The following CAMK4 variants were observed in gnomAD, a reference collection of about 807,000 sequenced individuals.
CAMK4 encodes calcium/calmodulin-dependent protein kinase type IV.
CAMK4 carries 22 observed loss-of-function variants against 44.9 expected under a neutral mutation model. That is an observed-to-expected ratio of 0.49 (90% CI 0.35 to 0.70). CAMK4 has a LOEUF of 0.70. CAMK4 is among the 30% of genes least tolerant of loss of function. The pLI is 0.01. For missense variants in CAMK4, 498 were observed against 586.8 expected (o/e 0.85, Z 1.56); for synonymous variants, 218 against 215.4 (o/e 1.01, Z -0.11).
intron 7 of CAMK4, among the ~76,000 whole-genome samples, chr5:111,470,522 T>C (rs1755027338): frequency 6.6e-6 from 1 of 152,206 alleles, no homozygotes; most frequent in African/African-American, 2.4e-5. Flanking sequence ...ATATAAACTT[T>C]ATATCTCAAC....
chr5:111,251,636 C>A (rs1426616596), intron 1 of CAMK4, among the ~76,000 whole-genome samples: 2 of 152,186 alleles, frequency 1.3e-5, no homozygotes, highest in East Asian at 3.8e-4. Context: ...TTCTGTGAGT[C>A]TTCTTATGTC....
In CAMK4 at chr5:111,268,589, T is replaced by C. The variant is rs779432495; in HGVS notation, c.161+43945T>C. ...AGTAAATAGAAAGTCTTTTGAACTT[T>C]TGTGCAGCAAGTTTTGAGGAAGCTA... On this transcript the variant is annotated intron_variant, in intron 1 of 10. Transcript: ENST00000282356. Among the ~76,000 whole-genome samples the C allele has an allele frequency of 1.3e-4, 20 of 152,222 alleles. No individual in the cohort carries two copies. In the East Asian group the frequency reaches 1.5e-3, roughly 12 times the overall value.
chr5:111,332,670 A>G (rs1048179386), intron 1 of CAMK4, among the ~76,000 whole-genome samples: 3 of 151,580 alleles, frequency 2.0e-5, no homozygotes, highest in African/African-American at 4.8e-5. Context: ...TGAGAATGCA[A>G]GCATAAAGAT....
At chr5:111,462,965 T>C (rs1210807306) in intron 7 of CAMK4, among the ~76,000 whole-genome samples, 1 of 152,220 alleles carries the variant, frequency 6.6e-6, no homozygotes, top group Non-Finnish European at 1.5e-5. Flanking sequence ...ATATAAGGTT[T>C]GAATTTTTGT....
intron 5 of CAMK4, among the ~76,000 whole-genome samples, chr5:111,435,991 T>C (rs1033305270): frequency 6.6e-6 from 1 of 152,234 alleles, no homozygotes; most frequent in Non-Finnish European, 1.5e-5. Context: ...TATATACTTT[T>C]ATCCTGTCAG....
rs553130870 is a variant in CAMK4, at chr5:111,338,938, T to C, written c.162-5086T>C. ...TCTTTTTTGCTTTGGCTATTCAGGC[T>C]CTTTTTTGAATGCATATGAATTTTA... On this transcript the variant is annotated intron_variant, in intron 1 of 10. Transcript: ENST00000282356. Among the ~76,000 whole-genome samples, 4 of 151,568 alleles carry C rather than the reference T, an allele frequency of 2.6e-5. 1 individual carries two copies. The South Asian group carries it at 8.3e-4, about 31-fold the overall frequency.
intron 1 of CAMK4, among the ~76,000 whole-genome samples, chr5:111,262,536 G>C (rs1022097944): frequency 6.6e-6 from 1 of 152,188 alleles, no homozygotes. Context: ...ATTTTAAAAA[G>C]GAGGTCAGAG....
intron 1 of CAMK4, among the ~76,000 whole-genome samples, chr5:111,295,813 T>G (rs1747457564): frequency 6.6e-6 from 1 of 152,180 alleles, no homozygotes; most frequent in Non-Finnish European, 1.5e-5. Flanking sequence ...ACAAGGACAA[T>G]TTGAACAAAT....
At chr5:111,283,229 A>G (rs1240832953) in intron 1 of CAMK4, among the ~76,000 whole-genome samples, 29 of 152,198 alleles carry the variant, frequency 1.9e-4, no homozygotes, top group Admixed American at 1.9e-3. Flanking sequence ...AACAAAAACC[A>G]TTACCAGTTA....
chr5:111,485,974 A>C lies in CAMK4; in HGVS notation c.*1508A>C, dbSNP rs549956268. On this transcript the variant is annotated 3_prime_UTR_variant, in exon 11 of 11. Transcript: ENST00000282356. Reference sequence around the variant, plus strand: ...AAAAAAGAATTCATTTTAAAAAATAATTATTTTCAGAGACCAAATAAAGAC... The same window carrying C: ...AAAAAAGAATTCATTTTAAAAAATACTTATTTTCAGAGACCAAATAAAGAC... 1 of 152,320 alleles carries C rather than the reference A, an allele frequency of 6.6e-6. No individual in the cohort carries two copies. Among genetic ancestry groups the C allele is most frequent in the Admixed American group, 6.5e-5 (1 of 15,306 alleles). The allele number at this position is 152,320 out of a possible 1,614,324, so 9.4% of individuals were successfully genotyped here. A position where few individuals can be genotyped will look rare whatever the true frequency, so the allele number is the denominator to read the frequency against.
Position 111,286,790 on chromosome 5 carries a change from A to T in CAMK4, c.162-57234A>T, listed in dbSNP as rs565917120. On this transcript the variant is annotated intron_variant, in intron 1 of 10. Transcript: ENST00000282356. ...TTTTGTCTAAGCTGGTTGGGAGCTT[A>T]TTAACTGATGCATGTTAGAAAGAAA... 4.6e-4 allele frequency among the ~76,000 whole-genome samples: 70 copies of T among 152,298 alleles called. 1 individual carries two copies. The South Asian group carries it at 0.012, about 26-fold the overall frequency.
intron 1 of CAMK4, among the ~76,000 whole-genome samples, chr5:111,286,221 C>T (rs1267152524): frequency 1.3e-5 from 2 of 152,168 alleles, no homozygotes; most frequent in Non-Finnish European, 2.9e-5. Flanking sequence ...CCATCATAAT[C>T]ACCCTTTTGA....
At chr5:111,275,290 G>A (rs576644653) in intron 1 of CAMK4, among the ~76,000 whole-genome samples, 1 of 151,538 alleles carries the variant, frequency 6.6e-6, no homozygotes, top group African/African-American at 2.4e-5. Context: ...ATATTCTCCC[G>A]AGAACAAGAC....
intron 1 of CAMK4, among the ~76,000 whole-genome samples, chr5:111,308,408 A>C (rs781691882): frequency 1.3e-5 from 2 of 152,232 alleles, no homozygotes; most frequent in Non-Finnish European, 2.9e-5. Flanking sequence ...AATAAGGATT[A>C]CTAAAGAATA....
chr5:111,224,610 A>G lies in CAMK4; in HGVS notation c.127A>G (p.Ser43Gly). 1 of 1,611,408 alleles carries G rather than the reference A, an allele frequency of 6.2e-7. No individual in the cohort carries two copies. Among genetic ancestry groups the G allele is most frequent in the Non-Finnish European group, 8.5e-7 (1 of 1,179,448 alleles). Residue 43 changes from serine to glycine, a missense_variant, in exon 1 of 11, where the codon AGC (serine) becomes GGC (glycine). This residue lies in a region of CAMK4 where 152 missense variants were observed against 143.7 expected (regional missense o/e 1.06). Transcript: ENST00000282356. This position sits in a 1 kb window ranked among gnomAD's most constrained non-coding sequence, Gnocchi z 5.7. ...WIDGSNRDAL[S>G]DFFEVESELG... ...CGACGGCTCCAACAGGGATGCGCTG[A>G]GCGATTTCTTCGAGGTGGAGTCGGA...
At chr5:111,317,970 A>C (rs1245245583) in intron 1 of CAMK4, among the ~76,000 whole-genome samples, 1 of 149,214 alleles carries the variant, frequency 6.7e-6, no homozygotes, top group African/African-American at 2.4e-5. Flanking sequence ...GGACTGTATA[A>C]AGTTAGGTTG....
chr5:111,230,878 A>G (rs545983352), intron 1 of CAMK4, among the ~76,000 whole-genome samples: 3 of 152,084 alleles, frequency 2.0e-5, no homozygotes, highest in Non-Finnish European at 4.4e-5. Flanking sequence ...TATCTAATAA[A>G]CAGAATATTG....
intron 1 of CAMK4, among the ~76,000 whole-genome samples, chr5:111,275,249 C>T (rs1390276178): frequency 6.6e-6 from 1 of 152,038 alleles, no homozygotes; most frequent in Non-Finnish European, 1.5e-5. Context: ...AAGAATGTTT[C>T]TTACTTTGTA....
chr5:111,308,518 T>C (rs1748043159), intron 1 of CAMK4, among the ~76,000 whole-genome samples: 1 of 152,218 alleles, frequency 6.6e-6, no homozygotes, highest in Non-Finnish European at 1.5e-5. Context: ...ATCTACAAGC[T>C]ACAAAATTTG....
Sources: gnomAD v4.1 joint callset for allele counts (sites outside exome capture counted in the v4.1 genomes callset) on GRCh38, gnomAD v4.1.1 for gene constraint, gnomAD v4.1.1 regional missense constraint, Gnocchi (gnomAD v3.1) non-coding constraint, MANE v1.5 for transcripts, NCBI Gene and HGNC (gene_info 2026-07-23, HGNC 2026-07-21) for gene names.